The following ITGAM variants were observed in gnomAD, a reference collection of about 807,000 sequenced individuals.
ITGAM encodes the protein integrin subunit alpha M.
ITGAM carries 79 observed loss-of-function variants against 137.5 expected under a neutral mutation model. That is an observed-to-expected ratio of 0.57 (90% CI 0.48 to 0.69). The LOEUF is 0.69. Ranked by LOEUF, ITGAM falls within the 30% of genes least tolerant of loss-of-function variation. The pLI, the probability that ITGAM is intolerant of heterozygous loss-of-function variation, is 0.00. For missense variants in ITGAM, 1,343 were observed against 1,483.5 expected (o/e 0.91, Z 1.56); for synonymous variants, 583 against 592.3 (o/e 0.98, Z 0.23).
intron 14 of ITGAM, among the ~76,000 whole-genome samples, chr16:31,299,505 T>C (rs1306977611): frequency 6.6e-6 from 1 of 151,910 alleles, no homozygotes; most frequent in African/African-American, 2.4e-5. Flanking sequence ...GACTGGGTTT[T>C]GCCATGTTGT....
intron 2 of ITGAM, among the ~76,000 whole-genome samples, chr16:31,263,414 T>G (rs1355189440): frequency 6.6e-6 from 1 of 152,222 alleles, no homozygotes; most frequent in Non-Finnish European, 1.5e-5. Flanking sequence ...GCAATTTTAA[T>G]AGATTTTTCC....
intron 12 of ITGAM, among the ~76,000 whole-genome samples, chr16:31,290,320 G>A (rs991553068): frequency 9.9e-5 from 15 of 152,062 alleles, no homozygotes; most frequent in African/African-American, 3.6e-4. Context: ...TGTTCTGGAG[G>A]TAGTGGTGAT....
At chr16:31,270,134 T>A (rs543255294) in intron 5 of ITGAM, among the ~76,000 whole-genome samples, 1 of 120,042 alleles carries the variant, frequency 8.3e-6, no homozygotes. Context: ...TCCTTCCTCC[T>A]TTGCTTTCCT....
rs2080486389 is a variant in ITGAM at position 31,324,609 on chromosome 16, G to A, written c.2158-42G>A. On this transcript the variant is annotated intron_variant, in intron 17 of 29. Transcript: ENST00000544665. The surrounding 1 kb of genome is among the most constrained non-coding windows in gnomAD (Gnocchi z 4.5). ...CTTCCAAGCATGGAGTGGGCTTGGG[G>A]AGCTGAGGAGGGCAGATCCCCAAAT... The A allele has an allele frequency of 1.2e-6, 2 of 1,609,890 alleles. No individual in the cohort carries two copies. Among genetic ancestry groups the A allele is most frequent in the Non-Finnish European group, 1.7e-6 (2 of 1,177,778 alleles).
chr16:31,271,053 T>C lies in ITGAM; in HGVS notation c.527T>C (p.Val176Ala). 7.6e-6 allele frequency: 12 copies of C among 1,578,830 alleles called. No homozygotes were observed. The highest frequency in any genetic ancestry group is 1.0e-5 in the Non-Finnish European group (12 of 1,158,854). The change falls in exon 6 of 30, where the codon GTG (valine) becomes GCG (alanine). Residue 176 changes from valine to alanine, a missense_variant. By Grantham distance (64) the Val-to-Ala change is moderately conservative. Coordinates refer to ENST00000544665, the MANE Select transcript of ITGAM (RefSeq NM_000632.4). ...CGGATGAAGGAGTTTGTCTCAACTGTGATGGAGCAATTAAAAAAGTCCAAA... is the reference window on the plus strand; with the variant it reads ...CGGATGAAGGAGTTTGTCTCAACTGCGATGGAGCAATTAAAAAAGTCCAAA... The part of the protein sequence containing the change: ...FRRMKEFVST[V>A]MEQLKKSKTL...
chr16:31,328,641 ATATG>A lies in ITGAM; in HGVS notation c.2792+413_2792+416del, dbSNP rs972656496. Among the ~76,000 whole-genome samples, 58 of 129,302 alleles carry A rather than the reference ATATG, an allele frequency of 4.5e-4. 1 individual carries two copies. In the East Asian group the frequency reaches 0.013, roughly 29 times the overall value. The allele number at this position is 129,302 out of a possible 152,430, so 84.8% of individuals were successfully genotyped here. ...TGTGTCTGGGCATGGGTGTGTGTGC[ATATG>A]TGTGTGTCTGAGGATATATGTGCAT... On this transcript the variant is annotated intron_variant, in intron 23 of 29. Coordinates refer to ENST00000544665, the MANE Select transcript of ITGAM (RefSeq NM_000632.4).
intron 7 of ITGAM, among the ~76,000 whole-genome samples, chr16:31,272,552 C>T (rs1379366900): frequency 1.6e-5 from 2 of 126,508 alleles, no homozygotes; most frequent in Admixed American, 9.2e-5. Context: ...GGCCTGATCT[C>T]GGCTCACTGC....
At chr16:31,267,722 G>A (rs764061029) in intron 5 of ITGAM, among the ~76,000 whole-genome samples, 2 of 151,720 alleles carry the variant, frequency 1.3e-5, no homozygotes, top group African/African-American at 2.4e-5. Flanking sequence ...GCACAATCTC[G>A]GCTCACTGCA....
chr16:31,288,170 G>A (rs1269862844), intron 12 of ITGAM, among the ~76,000 whole-genome samples: 1 of 152,044 alleles, frequency 6.6e-6, no homozygotes, highest in Non-Finnish European at 1.5e-5. Context: ...GGAATGGAGG[G>A]TCAGAATATG....
chr16:31,266,286 A>G, intron 5 of ITGAM, 139 bp downstream of exon 5: 1 of 641,760 alleles, frequency 1.6e-6, no homozygotes, highest in South Asian at 1.8e-5. Context: ...GTCAGAAGCT[A>G]GGGAGGTGCT....
chr16:31,329,818 G>C lies in ITGAM; in HGVS notation c.2889G>C (p.Arg963Ser). ...TGCAGGTCAGCAACCTGGGGCAGAG[G>C]AGCCTCCCCATCAGCCTGGTGTTCT... is the stretch of plus-strand genomic sequence containing the variant. ...HQYQVSNLGQ[R>S]SLPISLVFLV... The change falls in exon 25 of 30, where the codon AGG becomes AGC. Residue 963 changes from arginine to serine, a missense_variant. By Grantham distance (110) the Arg-to-Ser change is moderately radical. Transcript: ENST00000544665. The C allele has an allele frequency of 6.4e-7, 1 of 1,558,156 alleles. No individual in the cohort carries two copies. The highest frequency in any genetic ancestry group is 8.7e-7 in the Non-Finnish European group (1 of 1,150,954).
chr16:31,325,082 C>T lies in ITGAM; in HGVS notation c.2363+51C>T, dbSNP rs1441834710. On this transcript the variant is annotated intron_variant, in intron 19 of 29. Coordinates refer to ENST00000544665, the MANE Select transcript of ITGAM (RefSeq NM_000632.4). ...CTCCAGAGAAGGACCCGTACCATGACCCGCTCTTTTCTCCTCCTGGCCCCC... is the reference window on the plus strand; with the variant it reads ...CTCCAGAGAAGGACCCGTACCATGATCCGCTCTTTTCTCCTCCTGGCCCCC... 1.9e-6 allele frequency: 3 copies of T among 1,539,166 alleles called. No individual in the cohort carries two copies. The African/African-American group carries it at 4.4e-5, about 22-fold the overall frequency.
chr16:31,297,893 G>A lies in ITGAM; in HGVS notation c.1646G>A (p.Arg549Gln), dbSNP rs371261558. Residue 549 changes from arginine to glutamine, a missense_variant, in exon 14 of 30, where the codon CGG becomes CAG. Transcript: ENST00000544665. ...GGGGCCCCAGGAGAGGAGGACAACCGGGGTGCTGTTTACCTGTTTCACGGA... is the reference window on the plus strand; with the variant it reads ...GGGGCCCCAGGAGAGGAGGACAACCAGGGTGCTGTTTACCTGTTTCACGGA... The part of the protein sequence containing the change: ...AIGAPGEEDN[R>Q]GAVYLFHGTS... The A allele has an allele frequency of 1.2e-5, 19 of 1,613,782 alleles. No homozygotes were observed. The African/African-American group carries it at 1.7e-4, about 15-fold the overall frequency.
intron 12 of ITGAM, among the ~76,000 whole-genome samples, chr16:31,284,582 G>A (rs2080007613): frequency 6.6e-6 from 1 of 152,166 alleles, no homozygotes; most frequent in Admixed American, 6.5e-5. Flanking sequence ...GAAAAGTGCA[G>A]TATTAGGGTG....
At chr16:31,313,285 A>T (rs746041460) in intron 14 of ITGAM, among the ~76,000 whole-genome samples, 7 of 152,162 alleles carry the variant, frequency 4.6e-5, no homozygotes, top group Non-Finnish European at 1.0e-4. Context: ...ACCTAGGTAT[A>T]CAAGTGCCAT....
rs57483806 is a variant in ITGAM at position 31,312,463 on chromosome 16, G to A, written c.1708-8778G>A. Reference sequence around the variant, plus strand: ...TATTTTTGAGACAGGGTCTTGGTCTGTCATGCAGGCTGGAGTGAAGTGGTG... The same window carrying A: ...TATTTTTGAGACAGGGTCTTGGTCTATCATGCAGGCTGGAGTGAAGTGGTG... On this transcript the variant is annotated intron_variant, in intron 14 of 29. Coordinates refer to ENST00000544665, the MANE Select transcript of ITGAM (RefSeq NM_000632.4). Among the ~76,000 whole-genome samples, 907 of 152,228 alleles carry A rather than the reference G, an allele frequency of 6.0e-3. 10 individuals carry two copies. The highest frequency in any genetic ancestry group is 0.021 in the African/African-American group (868 of 41,540).
intron 14 of ITGAM, among the ~76,000 whole-genome samples, chr16:31,315,810 T>C (rs2080385445): frequency 6.6e-6 from 1 of 152,088 alleles, no homozygotes; most frequent in African/African-American, 2.4e-5. Context: ...AGTTTCATTC[T>C]TTTGCCTGTG....
intron 14 of ITGAM, among the ~76,000 whole-genome samples, chr16:31,299,646 A>G (rs2080174622): frequency 6.6e-6 from 1 of 152,176 alleles, no homozygotes; most frequent in Non-Finnish European, 1.5e-5. Flanking sequence ...AAGTGAAACC[A>G]CGCCGTATTC....
chr16:31,301,721 C>T (rs543925745), intron 14 of ITGAM, among the ~76,000 whole-genome samples: 1 of 152,214 alleles, frequency 6.6e-6, no homozygotes, highest in Non-Finnish European at 1.5e-5. Context: ...TACTAATTTA[C>T]CAGTTCTATA....
Sources: allele counts gnomAD v4.1 joint callset (sites outside exome capture counted in the v4.1 genomes callset), GRCh38; gene constraint gnomAD v4.1.1; non-coding constraint Gnocchi (gnomAD v3.1); transcripts MANE v1.5; gene names NCBI Gene and HGNC (gene_info 2026-07-23, HGNC 2026-07-21).